AMD1: variants seen among roughly 807,000 people sequenced by gnomAD.
AMD1 encodes S-adenosylmethionine decarboxylase proenzyme.
In AMD1, 11 loss-of-function variants were observed where a neutral mutation model predicts 40.2. That is an observed-to-expected ratio of 0.27 (90% CI 0.17 to 0.45). AMD1 has a LOEUF of 0.45. Among genes scored for constraint, AMD1 ranks in the 20% least tolerant of loss-of-function variants. The probability of loss-of-function intolerance (pLI) is 1.00; values close to 1 mark genes in which losing one functional copy is unlikely to be tolerated. For synonymous variants in AMD1, 121 were observed against 130.8 expected, an observed-to-expected ratio of 0.93 and a Z score of 0.51; for missense variants, 257 against 410.2, an observed-to-expected ratio of 0.63 and a Z score of 3.23.
the AMD1 span, among the ~76,000 whole-genome samples, chr6:110,837,906 T>C: frequency 6.7e-6 from 1 of 148,830 alleles, no homozygotes; most frequent in Non-Finnish European, 1.5e-5. Context: ...CTACTAAAAC[T>C]ACAAAGTTAG....
chr6:110,890,443 T>A, intron 4 of AMD1, 87 bp downstream of exon 4: 2 of 960,110 alleles, frequency 2.1e-6, no homozygotes, highest in Non-Finnish European at 3.2e-6. Context: ...AGCATACTTA[T>A]GCATATATAG....
At chr6:110,818,837 T>A in the AMD1 span, among the ~76,000 whole-genome samples, 3 of 152,214 alleles carry the variant, frequency 2.0e-5, no homozygotes, top group Middle Eastern at 3.2e-3. Context: ...ATTCCTGTAT[T>A]ATTTTAATGT....
At chr6:110,868,079 C>T in the AMD1 span, among the ~76,000 whole-genome samples, 2 of 152,110 alleles carry the variant, frequency 1.3e-5, no homozygotes, top group Non-Finnish European at 2.9e-5. Flanking sequence ...CCTGCCTCCG[C>T]CTTCCAAACT....
chr6:110,815,877 T>C, the AMD1 span: 4,919 of 152,316 alleles, frequency 0.032, 416 homozygotes, highest in Admixed American at 0.19. Context: ...CGCAGCTTGT[T>C]TCTTTTCTAG....
At chr6:110,848,178 C>A in the AMD1 span, among the ~76,000 whole-genome samples, 1 of 151,902 alleles carries the variant, frequency 6.6e-6, no homozygotes, top group African/African-American at 2.4e-5. Flanking sequence ...AAGGACAAGG[C>A]TTTGAGAATT....
the AMD1 span, among the ~76,000 whole-genome samples, chr6:110,840,013 C>CTTTT: frequency 3.6e-4 from 33 of 92,840 alleles, no homozygotes; most frequent in Admixed American, 4.4e-4. Context: ...GATTCTCTCT[C>CTTTT]TTTTTTTTTT....
chr6:110,863,886 G>A, the AMD1 span: 1 of 491,866 alleles, frequency 2.0e-6, no homozygotes, highest in Non-Finnish European at 4.0e-6. Context: ...AAAGAGGGCA[G>A]AAGTCCAGGA....
the AMD1 span, among the ~76,000 whole-genome samples, chr6:110,867,147 C>A: frequency 6.9e-6 from 1 of 144,790 alleles, no homozygotes; most frequent in South Asian, 2.1e-4. Flanking sequence ...TTTTTCTTTT[C>A]TTTTTTTCTT....
At chr6:110,827,043 C>T in the AMD1 span, among the ~76,000 whole-genome samples, 1 of 151,966 alleles carries the variant, frequency 6.6e-6, no homozygotes, top group Non-Finnish European at 1.5e-5. Context: ...GATTTAGGGC[C>T]CTCACTAGTC....
rs200810192 is a variant in AMD1 at position 110,888,103 on chromosome 6, T to C, written c.197+512T>C. On this transcript the variant is annotated intron_variant, in intron 2 of 8. Coordinates refer to ENST00000368885, the MANE Select transcript of AMD1 (RefSeq NM_001634.6). ...GACAGTTCAAGGTGTTTGCCGTCTT[T>C]TCCTCCCAATTGGTAAAGAAGGACC... is the stretch of plus-strand genomic sequence containing the variant. Among the ~76,000 whole-genome samples the C allele has an allele frequency of 2.0e-5, 3 of 152,176 alleles. 1 individual carries two copies. The East Asian group carries it at 5.8e-4, about 29-fold the overall frequency.
intron 1 of AMD1, among the ~76,000 whole-genome samples, chr6:110,877,803 G>T (rs1785195843): frequency 6.6e-6 from 1 of 152,120 alleles, no homozygotes. Context: ...TGACCTCCTG[G>T]GCTCTATTAA....
At chr6:110,822,432 G>GA in the AMD1 span, among the ~76,000 whole-genome samples, 7 of 150,282 alleles carry the variant, frequency 4.7e-5, no homozygotes, top group African/African-American at 7.3e-5. Flanking sequence ...AGATTGCCAA[G>GA]AAAAAAAAAG....
chr6:110,832,431 A>G, the AMD1 span, among the ~76,000 whole-genome samples: 73 of 151,524 alleles, frequency 4.8e-4, 1 homozygote, highest in East Asian at 0.012. Flanking sequence ...GATAACAGGC[A>G]TGAGCCACCA....
the AMD1 span, among the ~76,000 whole-genome samples, chr6:110,826,454 A>G: frequency 6.6e-6 from 1 of 151,952 alleles, no homozygotes; most frequent in African/African-American, 2.4e-5. Context: ...TTTAAACAAC[A>G]GGAACTGATT....
chr6:110,875,072 C>G lies in AMD1; in HGVS notation c.-34C>G. 1.9e-6 allele frequency: 3 copies of G among 1,548,500 alleles called. No individual in the cohort carries two copies. Among genetic ancestry groups the G allele is most frequent in the Non-Finnish European group, 2.7e-6 (3 of 1,129,368 alleles). ...GAAGAGGTTTAATTTAGTTGATTTT[C>G]TGTGGTTGTTGGTTGTTCGCTAGTC... On this transcript the variant is annotated 5_prime_UTR_variant, in exon 1 of 9. Transcript: ENST00000368885.
chr6:110,814,839 G>C, the AMD1 span: 2 of 845,594 alleles, frequency 2.4e-6, no homozygotes, highest in Non-Finnish European at 3.7e-6. Flanking sequence ...CCGCGCGGGG[G>C]AGGCGGGCGG....
In AMD1 at chr6:110,892,988, T is replaced by A. The variant is rs761598275; in HGVS notation, c.787T>A (p.Ser263Thr). The A allele has an allele frequency of 1.7e-5, 27 of 1,614,000 alleles. No individual in the cohort carries two copies. The highest frequency in any genetic ancestry group is 2.3e-5 in the Non-Finnish European group (27 of 1,179,964). Residue 263 changes from serine (S) to threonine (T), a missense_variant, in exon 8 of 9, where the codon TCC (serine) becomes ACC (threonine). Around this residue, in one of 3 missense-constraint regions of AMD1, gnomAD observed 192 missense variants for 296.5 expected, o/e 0.65. Transcript: ENST00000368885. ...VSFETNLSQT[S>T]YDDLIRKVVE... The stretch of plus-strand genomic sequence containing the variant: ...CTTTGAAACAAACTTAAGTCAGACC[T>A]CCTATGATGACCTGATCAGGAAAGT...
At chr6:110,844,926 G>A in the AMD1 span, among the ~76,000 whole-genome samples, 1 of 151,842 alleles carries the variant, frequency 6.6e-6, no homozygotes, top group South Asian at 2.1e-4. Flanking sequence ...TGAGCCTCAC[G>A]AAGCTTCTAA....
intron 4 of AMD1, 85 bp downstream of exon 4, chr6:110,890,441 T>G: frequency 1.0e-6 from 1 of 958,592 alleles, no homozygotes; most frequent in East Asian, 2.4e-5. Context: ...AGAGCATACT[T>G]ATGCATATAT....
Sources: allele counts gnomAD v4.1 joint callset (sites outside exome capture counted in the v4.1 genomes callset), GRCh38; gene constraint gnomAD v4.1.1; regional missense constraint gnomAD v4.1.1; transcripts MANE v1.5; gene names NCBI Gene and HGNC (gene_info 2026-07-23, HGNC 2026-07-21).